Variants in SH3RF3 observed in about 807,000 individuals in gnomAD.
The protein encoded by SH3RF3 is SH3 domain containing ring finger 3, also known as E3 ubiquitin-protein ligase SH3RF3.
Under a neutral mutation model 66.3 loss-of-function variants are expected in SH3RF3, and 29 were observed. That is an observed-to-expected ratio of 0.44 (90% CI 0.33 to 0.60). SH3RF3 has a LOEUF of 0.60. Ranked by LOEUF, SH3RF3 falls within the 20% of genes least tolerant of loss-of-function variation. SH3RF3 has a pLI of 0.04. For synonymous variants in SH3RF3, 583 were observed against 532.0 expected (o/e 1.10, Z -1.32); for missense variants, 1,194 against 1,190.9 (o/e 1.00, Z -0.04).
At position 109,130,109 on chromosome 2, in the gene SH3RF3, C is replaced by T. The variant is rs906227709; in HGVS notation, c.569C>T (p.Ala190Val). 1.5e-6 allele frequency: 2 copies of T among 1,325,730 alleles called. No individual in the cohort carries two copies. Among genetic ancestry groups the T allele is most frequent in the Non-Finnish European group, 9.6e-7 (1 of 1,042,098 alleles). The allele number at this position is 1,325,730 out of a possible 1,614,324, so 82.1% of individuals were successfully genotyped here. ...GCGACCAGCAGGACCGCGCCGGCGG[C>T]AAAGGTGAGTATCTGTCTCGGCGGA... ...ELATSRTAPA[A>V]KNPCLLPYGK... The change falls in exon 1 of 10, where the codon GCA (alanine) becomes GTA (valine). Residue 190 changes from alanine (A) to valine (V), a missense_variant. Transcript: ENST00000309415.
intron 1 of SH3RF3, among the ~76,000 whole-genome samples, chr2:109,252,912 C>A (rs558463616): frequency 6.6e-6 from 1 of 152,328 alleles, no homozygotes; most frequent in South Asian, 2.1e-4. Flanking sequence ...AATCCTAAGT[C>A]AGCCCATCGT....
chr2:109,191,081 A>G (rs1242973455), intron 1 of SH3RF3, among the ~76,000 whole-genome samples: 1 of 152,120 alleles, frequency 6.6e-6, no homozygotes, highest in East Asian at 1.9e-4. Context: ...GTATTCGGAA[A>G]GTAGCTGTAG....
At chr2:109,387,201 T>C (rs1029612780) in intron 3 of SH3RF3, among the ~76,000 whole-genome samples, 6 of 152,264 alleles carry the variant, frequency 3.9e-5, no homozygotes, top group African/African-American at 1.4e-4. Context: ...TCAGTATTTC[T>C]GCCTGGCTTT....
intron 1 of SH3RF3, among the ~76,000 whole-genome samples, chr2:109,280,587 C>G (rs1236587557): frequency 6.6e-6 from 1 of 152,040 alleles, no homozygotes; most frequent in Non-Finnish European, 1.5e-5. Context: ...CTTAAAAACC[C>G]TGTGTAAGTA....
In SH3RF3 at chr2:109,368,720, AAAAG is replaced by A. The variant is rs1300197363; in HGVS notation, c.850-2862_850-2859del. On this transcript the variant is annotated intron_variant, in intron 2 of 9. Coordinates refer to ENST00000309415, the MANE Select transcript of SH3RF3 (RefSeq NM_001099289.3). ...ATGGTATTTTCTTTAAAAAAAAAAA[AAAAG>A]AAAAAGAAAAAGAAAGAACGAAAGA... is the stretch of plus-strand genomic sequence containing the variant. Among the ~76,000 whole-genome samples, 78 of 149,870 alleles carry A rather than the reference AAAAG, an allele frequency of 5.2e-4. 1 individual carries two copies. The highest frequency in any genetic ancestry group is 1.8e-3 in the African/African-American group (71 of 40,438).
At chr2:109,451,339 A>G (rs1677860736) in intron 8 of SH3RF3, among the ~76,000 whole-genome samples, 1 of 152,198 alleles carries the variant, frequency 6.6e-6, no homozygotes, top group Admixed American at 6.5e-5. Context: ...TGGGATTCAC[A>G]GTCCTACCCT....
chr2:109,300,409 A>G (rs1178903561), intron 1 of SH3RF3, among the ~76,000 whole-genome samples: 5 of 152,060 alleles, frequency 3.3e-5, no homozygotes, highest in Non-Finnish European at 5.9e-5. Flanking sequence ...CCAACTCCTC[A>G]CCTCAAGTGA....
intron 1 of SH3RF3, among the ~76,000 whole-genome samples, chr2:109,214,131 C>T (rs889035926): frequency 8.5e-5 from 13 of 152,114 alleles, no homozygotes; most frequent in African/African-American, 3.1e-4. Flanking sequence ...CCGGGTGCCC[C>T]CATGCTGCGT....
intron 1 of SH3RF3, among the ~76,000 whole-genome samples, chr2:109,178,439 A>G (rs923976444): frequency 2.0e-5 from 3 of 152,242 alleles, no homozygotes; most frequent in Admixed American, 1.3e-4. Context: ...TGTGAGCTCT[A>G]GATGGTCTCC....
intron 8 of SH3RF3, among the ~76,000 whole-genome samples, chr2:109,488,642 C>T (rs946206678): frequency 9.9e-5 from 15 of 152,194 alleles, no homozygotes; most frequent in African/African-American, 2.7e-4. Context: ...AAGCAGTTCC[C>T]GATGTGTGTT....
chr2:109,290,259 A>G (rs1239638262), intron 1 of SH3RF3, among the ~76,000 whole-genome samples: 1 of 152,266 alleles, frequency 6.6e-6, no homozygotes, highest in Non-Finnish European at 1.5e-5. Context: ...GTAAAGACAG[A>G]CAAGGAAAAT....
chr2:109,479,201 G>T (rs1051098088), intron 8 of SH3RF3, among the ~76,000 whole-genome samples: 1 of 152,282 alleles, frequency 6.6e-6, no homozygotes, highest in South Asian at 2.1e-4. Flanking sequence ...TCAGGGTCAC[G>T]CAGTGGCATC....
intron 1 of SH3RF3, among the ~76,000 whole-genome samples, chr2:109,182,456 G>A (rs1678093904): frequency 6.6e-6 from 1 of 152,098 alleles, no homozygotes; most frequent in South Asian, 2.1e-4. Context: ...AAACTTTGGG[G>A]GACACACTCA....
At chr2:109,170,979 C>T (rs905192265) in intron 1 of SH3RF3, among the ~76,000 whole-genome samples, 7 of 152,144 alleles carry the variant, frequency 4.6e-5, no homozygotes, top group African/African-American at 1.4e-4. Context: ...GCACACAGGG[C>T]GCTCCCCACA....
chr2:109,427,323 G>A (rs773086438), intron 5 of SH3RF3, among the ~76,000 whole-genome samples: 9 of 152,056 alleles, frequency 5.9e-5, no homozygotes, highest in African/African-American at 4.8e-5. Flanking sequence ...TAATGCTATC[G>A]CATACTTAAT....
intron 1 of SH3RF3, among the ~76,000 whole-genome samples, chr2:109,152,062 G>A (rs1413532030): frequency 6.6e-6 from 1 of 152,220 alleles, no homozygotes; most frequent in Non-Finnish European, 1.5e-5. Context: ...CTCATCAGCA[G>A]TCTATTTTCA....
chr2:109,335,799 TC>T (rs1218426204), intron 1 of SH3RF3, among the ~76,000 whole-genome samples: 2 of 152,132 alleles, frequency 1.3e-5, no homozygotes, highest in African/African-American at 4.8e-5. Context: ...TAAAACCACT[TC>T]CTACCTTACG....
At chr2:109,322,217 ATCACCAC>A (rs1391115599) in intron 1 of SH3RF3, among the ~76,000 whole-genome samples, 1 of 152,178 alleles carries the variant, frequency 6.6e-6, no homozygotes, top group African/African-American at 2.4e-5. Flanking sequence ...CCCCCGAATA[ATCACCAC>A]TCCTTCTCCC....
chr2:109,261,424 T>C (rs1680351792), intron 1 of SH3RF3, among the ~76,000 whole-genome samples: 1 of 152,234 alleles, frequency 6.6e-6, no homozygotes, highest in South Asian at 2.1e-4. Context: ...GTGCAGTCTG[T>C]GGAGCTGGAC....
Sources: allele counts gnomAD v4.1 joint callset (sites outside exome capture counted in the v4.1 genomes callset), GRCh38; gene constraint gnomAD v4.1.1; transcripts MANE v1.5; gene names NCBI Gene and HGNC (gene_info 2026-07-23, HGNC 2026-07-21).